Variants in PLEKHB1 observed in about 807,000 individuals in gnomAD.
The protein encoded by PLEKHB1 is pleckstrin homology domain-containing family B member 1.
Under a neutral mutation model 36.2 loss-of-function variants are expected in PLEKHB1, and 29 were observed. The ratio of observed to expected loss-of-function variants is 0.80; its 90% CI spans 0.60 to 1.09. The LOEUF (loss-of-function observed/expected upper bound fraction) is 1.09, where lower values mean the gene tolerates loss of function less well. Ranked by LOEUF, PLEKHB1 falls within the 50% of genes least tolerant of loss-of-function variation. The pLI is 0.00. For missense variants in PLEKHB1, 330 were observed against 348.2 expected (o/e 0.95, Z 0.42); for synonymous variants, 138 against 140.0 (o/e 0.99, Z 0.10).
At chr11:73,655,730 T>A in intron 5 of PLEKHB1, 73 bp from the exon 6 acceptor site, 9 of 1,316,592 alleles carry the variant, frequency 6.8e-6, no homozygotes, top group Non-Finnish European at 9.7e-6. Flanking sequence ...AGCTCTTGAG[T>A]CTCTTTAGGT....
chr11:73,647,688 C>A, intron 1 of PLEKHB1: 1 of 985,498 alleles, frequency 1.0e-6, no homozygotes, highest in Non-Finnish European at 1.2e-6. Flanking sequence ...GTGGCAGCAG[C>A]ATCGAGTAGC....
At chr11:73,656,254 G>A (rs764227458) in intron 6 of PLEKHB1, among the ~76,000 whole-genome samples, 48 of 152,146 alleles carry the variant, frequency 3.2e-4, no homozygotes, top group Non-Finnish European at 6.2e-4. Flanking sequence ...TCAGCCTAGC[G>A]GCACCAAGGC....
chr11:73,649,623 T>C (rs1040716910), intron 2 of PLEKHB1, among the ~76,000 whole-genome samples: 5 of 152,206 alleles, frequency 3.3e-5, no homozygotes, highest in Non-Finnish European at 7.3e-5. Flanking sequence ...CTCTCTTATG[T>C]CTTTGCCCTT....
At chr11:73,649,173 AC>A (rs889444767) in intron 2 of PLEKHB1, 86 bp downstream of exon 2, 2 of 1,479,300 alleles carry the variant, frequency 1.4e-6, no homozygotes, top group Non-Finnish European at 1.8e-6. Context: ...CTCTCAAGAA[AC>A]CAGGACCTTT....
intron 6 of PLEKHB1, among the ~76,000 whole-genome samples, chr11:73,656,478 G>T (rs1738287206): frequency 6.6e-6 from 1 of 152,198 alleles, no homozygotes; most frequent in South Asian, 2.1e-4. Flanking sequence ...GGGGCTCAGG[G>T]AATGTTCACT....
In PLEKHB1 at chr11:73,661,150, G is replaced by A. The variant is rs912750401; in HGVS notation, c.595+298G>A. Among the ~76,000 whole-genome samples the A allele has an allele frequency of 6.6e-6, 1 of 152,192 alleles. No individual in the cohort carries two copies. The highest frequency in any genetic ancestry group is 1.5e-5 in the Non-Finnish European group (1 of 68,038). On this transcript the variant is annotated intron_variant, in intron 7 of 7. Transcript: ENST00000354190. This position sits in a 1 kb window ranked among gnomAD's most constrained non-coding sequence, Gnocchi z 4.6. ...ACTGCGGGAATGCTGCCTCCTCCCC[G>A]CTCTGGGGCCTGGCGGTTGGGAATG...
intron 1 of PLEKHB1, chr11:73,647,886 G>T (rs1302955860): frequency 2.0e-6 from 2 of 981,996 alleles, no homozygotes; most frequent in Non-Finnish European, 2.4e-6. Flanking sequence ...CCCTTGTTAC[G>T]CAGCAACAGG....
At chr11:73,654,165 C>A (rs889690116) in intron 5 of PLEKHB1, among the ~76,000 whole-genome samples, 1 of 152,050 alleles carries the variant, frequency 6.6e-6, no homozygotes, top group African/African-American at 2.4e-5. Flanking sequence ...CCTTGTTGGC[C>A]GAGACAGGCT....
chr11:73,662,701 T>A lies in PLEKHB1; in HGVS notation c.*1099T>A, dbSNP rs550188461. 1.1e-4 allele frequency: 16 copies of A among 152,214 alleles called. No individual in the cohort carries two copies. The highest frequency in any genetic ancestry group is 3.6e-4 in the African/African-American group (15 of 41,434). 9.4% of individuals were successfully genotyped at this position (152,214 alleles called of 1,614,324 possible). ...TCCCCCTTTCTATCCCAATCACCAA[T>A]AGAAATGCTAACATCCCTGCCTGGT... On this transcript the variant is annotated 3_prime_UTR_variant, in exon 8 of 8. Coordinates refer to ENST00000354190, the MANE Select transcript of PLEKHB1 (RefSeq NM_021200.3).
intron 5 of PLEKHB1, among the ~76,000 whole-genome samples, chr11:73,653,823 T>C (rs1330270521): frequency 6.6e-6 from 1 of 152,030 alleles, no homozygotes. Flanking sequence ...GAAGGAGGGT[T>C]GGCACGACCA....
In PLEKHB1 at chr11:73,646,699, G is replaced by A. The variant is rs557123347; in HGVS notation, c.18+73G>A. On this transcript the variant is annotated intron_variant, in intron 1 of 7. Transcript: ENST00000354190. Reference sequence around the variant, plus strand: ...GGCACCCTTGCCACATAGGGGACGGGACAGAAGTCTTTTAGGCCCTGACAT... The same window carrying A: ...GGCACCCTTGCCACATAGGGGACGGAACAGAAGTCTTTTAGGCCCTGACAT... 429 of 1,498,296 alleles carry A rather than the reference G, an allele frequency of 2.9e-4. 1 individual carries two copies. In the African/African-American group the frequency reaches 5.4e-3, roughly 19 times the overall value. The allele number at this position is 1,498,296 out of a possible 1,614,324, so 92.8% of individuals were successfully genotyped here. A position where few individuals can be genotyped will look rare whatever the true frequency, so the allele number is the denominator to read the frequency against.
intron 5 of PLEKHB1, among the ~76,000 whole-genome samples, chr11:73,655,114 G>T (rs940828): frequency 0.7 from 106,982 of 151,990 alleles, 38,234 homozygotes; most frequent in Middle Eastern, 0.82. Context: ...GTGACTGTCT[G>T]CACTCTGTGA....
At chr11:73,653,054 A>C (rs944964782) in intron 5 of PLEKHB1, 40 bp downstream of exon 5, 19 of 1,583,664 alleles carry the variant, frequency 1.2e-5, no homozygotes, top group Admixed American at 6.8e-5. Context: ...CACCACCTCC[A>C]TGTGCCATGG....
intron 4 of PLEKHB1, chr11:73,652,150 T>A: frequency 4.0e-6 from 2 of 504,576 alleles, no homozygotes; most frequent in East Asian, 3.5e-5. Context: ...AGGTATCTGG[T>A]TCCTGGTCTT....
In PLEKHB1 at chr11:73,655,761, C is replaced by G. The variant is rs1015512427; in HGVS notation, c.391-42C>G. 5.8e-6 allele frequency: 9 copies of G among 1,558,956 alleles called. No individual in the cohort carries two copies. In the East Asian group the frequency reaches 9.0e-5, roughly 16 times the overall value. ...TAGGTGTAGAGGGCCTCTGACACCC[C>G]CTCCCTCCCTCCTCCTTCTTGGGTT... On this transcript the variant is annotated intron_variant, in intron 5 of 7. Coordinates refer to ENST00000354190, the MANE Select transcript of PLEKHB1 (RefSeq NM_021200.3).
In PLEKHB1 at chr11:73,661,490, T is replaced by C. The variant is rs763421487; in HGVS notation, c.620T>C (p.Val207Ala). The C allele has an allele frequency of 1.9e-6, 3 of 1,613,814 alleles. No individual in the cohort carries two copies. The South Asian group carries it at 3.3e-5, about 18-fold the overall frequency. ...YAGPGVTHVI[V>A]REDPCYSAGA... ...GGCCCTGGCGTGACGCACGTGATAG[T>C]GCGGGAGGATCCCTGCTACAGCGCC... Residue 207 changes from valine (V) to alanine (A), a missense_variant, in exon 8 of 8, where the codon GTG (valine) becomes GCG (alanine). Transcript: ENST00000354190. The surrounding 1 kb of genome is among the most constrained non-coding windows in gnomAD (Gnocchi z 4.6).
Position 73,646,621 on chromosome 11 carries a change from G to GC in PLEKHB1, c.17dup (p.Val7GlyfsTer4), listed in dbSNP as rs1944777387. On this transcript the variant is annotated frameshift_variant, in exon 1 of 8. Coordinates refer to ENST00000354190, the MANE Select transcript of PLEKHB1 (RefSeq NM_021200.3). LOFTEE classifies it high-confidence loss of function. ...CCACCCAGGAACCATGAGCCCTGCA[G>GC]CCCCGGTAAGGAAGAGTTCTCTGGG... 6.4e-7 allele frequency: 1 copy of GC among 1,551,420 alleles called. No individual in the cohort carries two copies. Among genetic ancestry groups the GC allele is most frequent in the Admixed American group, 2.0e-5 (1 of 50,990 alleles).
At chr11:73,651,433 C>A (rs1354583823) in intron 3 of PLEKHB1, 1 of 501,462 alleles carries the variant, frequency 2.0e-6, no homozygotes, top group African/African-American at 1.9e-5. Context: ...GTGAGCCAGG[C>A]ACAGTTCCTG....
chr11:73,659,102 T>C (rs779319886), intron 6 of PLEKHB1, among the ~76,000 whole-genome samples: 143 of 152,186 alleles, frequency 9.4e-4, no homozygotes, highest in Non-Finnish European at 1.7e-3. Flanking sequence ...GGCAGGAACC[T>C]GTAATCTCAG....
Sources: gnomAD v4.1 joint callset for allele counts (sites outside exome capture counted in the v4.1 genomes callset) on GRCh38, gnomAD v4.1.1 for gene constraint, Gnocchi (gnomAD v3.1) non-coding constraint, MANE v1.5 for transcripts, NCBI Gene and HGNC (gene_info 2026-07-23, HGNC 2026-07-21) for gene names.